ARHGAP29: variants seen among roughly 807,000 people sequenced by gnomAD.
The protein encoded by ARHGAP29 is Rho GTPase activating protein 29.
Under a neutral mutation model 122.6 loss-of-function variants are expected in ARHGAP29, and 43 were observed. The ratio of observed to expected loss-of-function variants is 0.35; its 90% CI spans 0.27 to 0.45. The LOEUF (loss-of-function observed/expected upper bound fraction) is 0.45. ARHGAP29 is among the 20% of genes least tolerant of loss of function. The pLI, the probability that ARHGAP29 is intolerant of heterozygous loss-of-function variation, is 1.00. For synonymous variants in ARHGAP29, 506 were observed against 497.1 expected (o/e 1.02, Z -0.24); for missense variants, 1,303 against 1,477.2 (o/e 0.88, Z 1.93).
At chr1:94,193,508 T>C (rs1268779147) in intron 12 of ARHGAP29, 1 of 151,634 alleles carries the variant, frequency 6.6e-6, no homozygotes, top group Non-Finnish European at 1.5e-5. Flanking sequence ...CTTAAACAGA[T>C]AAAATCCAAA....
the ARHGAP29 span, among the ~76,000 whole-genome samples, chr1:94,287,328 A>C: frequency 6.6e-6 from 1 of 151,964 alleles, no homozygotes; most frequent in Non-Finnish European, 1.5e-5. Context: ...ATAGTGAGTA[A>C]CTTCTCAGAG....
At chr1:94,254,786 A>G (rs1654264921) in intron 1 of ARHGAP29, among the ~76,000 whole-genome samples, 1 of 152,236 alleles carries the variant, frequency 6.6e-6, no homozygotes, top group South Asian at 2.1e-4. Flanking sequence ...GACCCTGTGA[A>G]GATGTTTCAC....
chr1:94,306,556 T>C, the ARHGAP29 span, among the ~76,000 whole-genome samples: 1 of 152,248 alleles, frequency 6.6e-6, no homozygotes, highest in Admixed American at 6.5e-5. Flanking sequence ...GGCAGCATTT[T>C]CTTCTCAAAA....
the ARHGAP29 span, among the ~76,000 whole-genome samples, chr1:94,282,341 C>A: frequency 6.6e-6 from 1 of 151,842 alleles, no homozygotes; most frequent in Non-Finnish European, 1.5e-5. Context: ...GGCCAGAGTG[C>A]AGTGGTGCAA....
the ARHGAP29 span, among the ~76,000 whole-genome samples, chr1:94,306,459 A>G: frequency 3.3e-5 from 5 of 152,240 alleles, no homozygotes; most frequent in South Asian, 2.1e-4. Flanking sequence ...AATTTGAAAC[A>G]TTAGCAGACT....
chr1:94,242,276 C>A (rs1653620260), upstream of ARHGAP29, among the ~76,000 whole-genome samples: 1 of 152,236 alleles, frequency 6.6e-6, no homozygotes, highest in Admixed American at 6.5e-5. Flanking sequence ...GACCCCAGGG[C>A]ATGCCTCATA....
At chr1:94,240,645 T>C (rs1009463217), upstream of ARHGAP29, among the ~76,000 whole-genome samples, 2 of 152,206 alleles carry the variant, frequency 1.3e-5, no homozygotes, top group African/African-American at 2.4e-5. Context: ...AAGCAACATA[T>C]AATTTTTTTT....
At chr1:94,220,527 C>G in intron 2 of ARHGAP29, 135 bp from the exon 3 acceptor site, 1 of 655,394 alleles carries the variant, frequency 1.5e-6, no homozygotes, top group South Asian at 2.2e-5. Flanking sequence ...TCATTTATAT[C>G]TTCACTGCTG....
At chr1:94,197,831 A>G (rs991623246) in intron 12 of ARHGAP29, among the ~76,000 whole-genome samples, 1 of 152,190 alleles carries the variant, frequency 6.6e-6, no homozygotes, top group African/African-American at 2.4e-5. Flanking sequence ...AACTAGAAAA[A>G]AGAAATTTCT....
rs1317226011 is a variant in ARHGAP29 at position 94,173,758 on chromosome 1, G to A, written c.*111C>T. The A allele has an allele frequency of 7.5e-7, 1 of 1,340,164 alleles. No homozygotes were observed. Among genetic ancestry groups the A allele is most frequent in the Non-Finnish European group, 1.0e-6 (1 of 988,600 alleles). 83.0% of individuals were successfully genotyped at this position (1,340,164 alleles called of 1,614,324 possible). On this transcript the variant is annotated 3_prime_UTR_variant, in exon 23 of 23. Coordinates refer to ENST00000260526, the MANE Select transcript of ARHGAP29 (RefSeq NM_004815.4). ...TACAACAACAAAAGGCAAAACCCAT[G>A]ATTTGGCAGTCCTATACAAAAGAGG...
intron 12 of ARHGAP29, among the ~76,000 whole-genome samples, chr1:94,199,690 T>C (rs900651497): frequency 1.3e-5 from 2 of 152,186 alleles, no homozygotes; most frequent in Admixed American, 1.3e-4. Flanking sequence ...CCATGGAAAT[T>C]CACACTAGCC....
Position 94,196,153 on chromosome 1 carries a change from C to T in ARHGAP29, c.1281+5567G>A, listed in dbSNP as rs185489667. 2.9e-3 allele frequency among the ~76,000 whole-genome samples: 442 copies of T among 152,050 alleles called. 6 individuals are homozygous for T. Among genetic ancestry groups the T allele is most frequent in the African/African-American group, 0.01 (422 of 41,500 alleles). ...ACCAATTGATATTTATAAAACACTC[C>T]AGTCAACAACAGAACACACATGCTT... On this transcript the variant is annotated intron_variant, in intron 12 of 22. Coordinates refer to ENST00000260526, the MANE Select transcript of ARHGAP29 (RefSeq NM_004815.4).
chr1:94,230,276 CA>C (rs955614375), intron 2 of ARHGAP29, among the ~76,000 whole-genome samples: 1 of 151,700 alleles, frequency 6.6e-6, no homozygotes, highest in Non-Finnish European at 1.5e-5. Context: ...TATCTTTCCA[CA>C]ATAACTTTAG....
chr1:94,262,043 T>C (rs895432122), intron 1 of ARHGAP29, among the ~76,000 whole-genome samples: 1 of 152,072 alleles, frequency 6.6e-6, no homozygotes, highest in East Asian at 1.9e-4. Context: ...ATGGAACTGT[T>C]ACAAAAACAG....
chr1:94,178,356 T>C (rs1307652322), intron 20 of ARHGAP29, among the ~76,000 whole-genome samples, 189 bp from the exon 21 acceptor site: 3 of 152,228 alleles, frequency 2.0e-5, no homozygotes, highest in Non-Finnish European at 4.4e-5. Context: ...TTTCACAGTT[T>C]CACAGTATTG....
chr1:94,294,285 C>T, the ARHGAP29 span, among the ~76,000 whole-genome samples: 103 of 151,806 alleles, frequency 6.8e-4, no homozygotes, highest in African/African-American at 1.8e-3. Context: ...CACACACACG[C>T]GCATATATTT....
At chr1:94,217,945 G>A (rs1294250255) in intron 3 of ARHGAP29, among the ~76,000 whole-genome samples, 1 of 152,042 alleles carries the variant, frequency 6.6e-6, no homozygotes, top group Admixed American at 6.6e-5. Flanking sequence ...TTTCCTTTCT[G>A]AAATAGCTAC....
chr1:94,298,228 A>G, the ARHGAP29 span, among the ~76,000 whole-genome samples: 44 of 152,204 alleles, frequency 2.9e-4, no homozygotes, highest in Non-Finnish European at 6.0e-4. Context: ...TTTATACTGC[A>G]GAAGTATAAA....
chr1:94,203,312 T>C (rs1174498498), intron 8 of ARHGAP29, 102 bp from the exon 9 acceptor site: 2 of 737,472 alleles, frequency 2.7e-6, no homozygotes, highest in African/African-American at 3.7e-5. Context: ...GTTTAGACTT[T>C]TGCCCCCAGA....
Sources: gnomAD v4.1 joint callset for allele counts (sites outside exome capture counted in the v4.1 genomes callset) on GRCh38, gnomAD v4.1.1 for gene constraint, MANE v1.5 for transcripts, NCBI Gene and HGNC (gene_info 2026-07-23, HGNC 2026-07-21) for gene names.